The following MIPOL1 variants were observed in gnomAD, a reference collection of about 807,000 sequenced individuals.
MIPOL1 encodes the protein mirror-image polydactyly gene 1 protein.
A neutral mutation model predicts 60.9 loss-of-function variants in MIPOL1; 57 were observed. That is an observed-to-expected ratio of 0.94 (90% CI 0.76 to 1.17). The LOEUF is 1.17. Among genes scored for constraint, MIPOL1 ranks in the 50% most tolerant of loss-of-function variants. MIPOL1 has a pLI of 0.00. For synonymous variants in MIPOL1, 179 were observed against 168.8 expected (o/e 1.06, Z -0.47); for missense variants, 551 against 511.6 (o/e 1.08, Z -0.74).
intron 11 of MIPOL1, among the ~76,000 whole-genome samples, chr14:37,446,368 A>G (rs1193411727): frequency 1.3e-5 from 2 of 152,178 alleles, no homozygotes; most frequent in Non-Finnish European, 2.9e-5. Flanking sequence ...TCAAAACCAC[A>G]GTGAGATACC....
At chr14:37,388,387 C>T (rs2093134076) in intron 10 of MIPOL1, among the ~76,000 whole-genome samples, 1 of 151,828 alleles carries the variant, frequency 6.6e-6, no homozygotes, top group Non-Finnish European at 1.5e-5. Context: ...GAAAACCACA[C>T]CCCAAATTGC....
At chr14:37,397,302 T>TGG (rs992355990) in intron 10 of MIPOL1, among the ~76,000 whole-genome samples, 7 of 151,174 alleles carry the variant, frequency 4.6e-5, no homozygotes, top group African/African-American at 1.5e-4. Context: ...TGGGGTTATC[T>TGG]GCACAGAGTC....
chr14:37,498,860 T>G (rs1388274389), intron 11 of MIPOL1, among the ~76,000 whole-genome samples: 2 of 152,128 alleles, frequency 1.3e-5, no homozygotes, highest in African/African-American at 4.8e-5. Context: ...AGAGGAAATT[T>G]ATAATTACTT....
At chr14:37,236,591 C>A (rs1020022676) in intron 1 of MIPOL1, among the ~76,000 whole-genome samples, 1 of 152,002 alleles carries the variant, frequency 6.6e-6, no homozygotes, top group African/African-American at 2.4e-5. Context: ...CATGCCCCAC[C>A]ATGCTTGGCT....
chr14:37,289,266 C>T (rs1296084692), intron 7 of MIPOL1, among the ~76,000 whole-genome samples: 1 of 152,186 alleles, frequency 6.6e-6, no homozygotes, highest in African/African-American at 2.4e-5. Context: ...ATTTCCTCCA[C>T]ACACCAAGCA....
intron 9 of MIPOL1, among the ~76,000 whole-genome samples, chr14:37,312,712 T>C (rs2087457002): frequency 6.6e-6 from 1 of 152,128 alleles, no homozygotes; most frequent in South Asian, 2.1e-4. Flanking sequence ...AGCCTTAAAG[T>C]CTTTCATATA....
intron 11 of MIPOL1, among the ~76,000 whole-genome samples, chr14:37,478,066 G>A (rs182102138): frequency 1.3e-5 from 2 of 152,326 alleles, no homozygotes; most frequent in Admixed American, 6.5e-5. Context: ...GGACAGCAGT[G>A]TAAGTGTGAA....
In MIPOL1 at chr14:37,547,986, C is replaced by T. The variant is rs763828048; in HGVS notation, c.*1015C>T. The T allele has an allele frequency of 6.6e-6, 1 of 151,898 alleles. No individual in the cohort carries two copies. Among genetic ancestry groups the T allele is most frequent in the Non-Finnish European group, 1.5e-5 (1 of 67,908 alleles). The allele number at this position is 151,898 out of a possible 1,614,324, so 9.4% of individuals were successfully genotyped here. A position where few individuals can be genotyped will look rare whatever the true frequency, so the allele number is the denominator to read the frequency against. ...AATAAGATAGTTACAGCATAGCAGT[C>T]ATATGAAGTTATGAATAGAACTGAG... On this transcript the variant is annotated 3_prime_UTR_variant, in exon 13 of 13. Coordinates refer to ENST00000684589, the MANE Select transcript of MIPOL1 (RefSeq NM_001388067.1).
rs182810894 is a variant in MIPOL1, at chr14:37,215,074, G to T, written c.-199+16970G>T. Among the ~76,000 whole-genome samples, 267 of 152,246 alleles carry T rather than the reference G, an allele frequency of 1.8e-3. 1 individual carries two copies. Among genetic ancestry groups the T allele is most frequent in the African/African-American group, 6.0e-3 (250 of 41,540 alleles). ...TGGCTCTGCCTTCTAGATAGCAGTA[G>T]CAAAATTAGTGAAAGTGCTAAAAGT... On this transcript the variant is annotated intron_variant, in intron 1 of 12. Coordinates refer to ENST00000684589, the MANE Select transcript of MIPOL1 (RefSeq NM_001388067.1).
At position 37,266,477 on chromosome 14, in the gene MIPOL1, C is replaced by T. The variant is rs146217294; in HGVS notation, c.20-461C>T. Reference sequence around the variant, plus strand: ...GGAAAGCCTCTATATCATTAACAGACCATGCTTTCTAACACTAACATAACA... The same window carrying T: ...GGAAAGCCTCTATATCATTAACAGATCATGCTTTCTAACACTAACATAACA... On this transcript the variant is annotated intron_variant, in intron 3 of 12. Transcript: ENST00000684589. Among the ~76,000 whole-genome samples the T allele has an allele frequency of 7.0e-3, 1,071 of 152,260 alleles. 14 individuals are homozygous for T. The highest frequency in any genetic ancestry group is 0.024 in the African/African-American group (1,012 of 41,548).
chr14:37,261,098 C>T (rs937723451), intron 3 of MIPOL1, among the ~76,000 whole-genome samples: 4 of 151,906 alleles, frequency 2.6e-5, no homozygotes, highest in African/African-American at 7.2e-5. Flanking sequence ...CTGATACAAA[C>T]TTTATTAAAC....
At chr14:37,418,574 A>G (rs1416782546) in intron 10 of MIPOL1, among the ~76,000 whole-genome samples, 1 of 152,172 alleles carries the variant, frequency 6.6e-6, no homozygotes, top group Non-Finnish European at 1.5e-5. Context: ...TAATTTATAT[A>G]TAATGTATAC....
In MIPOL1 at chr14:37,546,898, A is replaced by G; in HGVS notation, c.1263-7A>G. On this transcript the variant is annotated splice_polypyrimidine_tract_variant and splice_region_variant and intron_variant, in intron 12 of 12. Coordinates refer to ENST00000684589, the MANE Select transcript of MIPOL1 (RefSeq NM_001388067.1). ...CCCTTCTCACCCCCATCCCAACCCC[A>G]ACTTAGGTTGGAAAGGCTGGTGGAT... is the stretch of plus-strand genomic sequence containing the variant. 6.2e-7 allele frequency: 1 copy of G among 1,613,256 alleles called. No homozygotes were observed. Among genetic ancestry groups the G allele is most frequent in the Non-Finnish European group, 8.5e-7 (1 of 1,179,634 alleles).
At chr14:37,484,397 G>A (rs1045833770) in intron 11 of MIPOL1, among the ~76,000 whole-genome samples, 1 of 149,484 alleles carries the variant, frequency 6.7e-6, no homozygotes, top group African/African-American at 2.5e-5. Flanking sequence ...GAGTGCAGTG[G>A]TGTAATCTTG....
Position 37,550,923 on chromosome 14 carries a change from T to C in MIPOL1, c.*3952T>C, listed in dbSNP as rs948556714. On this transcript the variant is annotated 3_prime_UTR_variant, in exon 13 of 13. Coordinates refer to ENST00000684589, the MANE Select transcript of MIPOL1 (RefSeq NM_001388067.1). ...ACTGAAATTAGAAAAAGAAAACTTT[T>C]CTTTTTTATTATATATTTTAGTGTA... 6.6e-6 allele frequency: 1 copy of C among 152,132 alleles called. No homozygotes were observed. The highest frequency in any genetic ancestry group is 1.5e-5 in the Non-Finnish European group (1 of 67,994). The allele number at this position is 152,132 out of a possible 1,614,324, so 9.4% of individuals were successfully genotyped here. A position where few individuals can be genotyped will look rare whatever the true frequency, so the allele number is the denominator to read the frequency against.
chr14:37,483,889 G>GTT (rs2153600453), intron 11 of MIPOL1, among the ~76,000 whole-genome samples: 1 of 152,216 alleles, frequency 6.6e-6, no homozygotes, highest in African/African-American at 2.4e-5. Flanking sequence ...TCCCACCTCA[G>GTT]TTTTCCAAAG....
At chr14:37,445,287 C>A (rs1205057647) in intron 11 of MIPOL1, among the ~76,000 whole-genome samples, 1 of 152,148 alleles carries the variant, frequency 6.6e-6, no homozygotes, top group African/African-American at 2.4e-5. Context: ...CAATAACAGA[C>A]AGAGAACCAA....
chr14:37,243,851 G>T (rs562893293), intron 1 of MIPOL1, among the ~76,000 whole-genome samples: 1 of 152,212 alleles, frequency 6.6e-6, no homozygotes, highest in Admixed American at 6.5e-5. Flanking sequence ...AGGCAGATTA[G>T]AAATTTCAGA....
At chr14:37,334,348 A>G (rs1255164992) in intron 9 of MIPOL1, among the ~76,000 whole-genome samples, 1 of 152,030 alleles carries the variant, frequency 6.6e-6, no homozygotes, top group East Asian at 1.9e-4. Flanking sequence ...ATCTTAAAAA[A>G]GAATGAAATG....
Sources: gnomAD v4.1 joint callset for allele counts (sites outside exome capture counted in the v4.1 genomes callset) on GRCh38, gnomAD v4.1.1 for gene constraint, MANE v1.5 for transcripts, NCBI Gene and HGNC (gene_info 2026-07-23, HGNC 2026-07-21) for gene names.